The following TMEM132D variants were observed in gnomAD, a reference collection of about 807,000 sequenced individuals.
TMEM132D encodes the protein transmembrane protein 132D, also known as mature OL transmembrane protein.
In TMEM132D, 21 loss-of-function variants were observed where a neutral mutation model predicts 62.3. The observed-to-expected ratio is 0.34, with a 90% CI of 0.24 to 0.49. TMEM132D has a LOEUF of 0.49. TMEM132D is among the 20% of genes least tolerant of loss of function. The probability of loss-of-function intolerance (pLI) is 0.99; values close to 1 mark genes in which losing one functional copy is unlikely to be tolerated. For missense variants in TMEM132D, 1,346 were observed against 1,402.8 expected, an observed-to-expected ratio of 0.96 and a Z score of 0.65; for synonymous variants, 621 against 575.6, an observed-to-expected ratio of 1.08 and a Z score of -1.13.
intron 3 of TMEM132D, among the ~76,000 whole-genome samples, chr12:129,496,118 AC>A (rs1874948092): frequency 6.6e-6 from 1 of 152,222 alleles, no homozygotes; most frequent in Non-Finnish European, 1.5e-5. Flanking sequence ...ATAGTGGAGT[AC>A]CGGATGTAAC....
intron 5 of TMEM132D, among the ~76,000 whole-genome samples, chr12:129,191,603 A>G (rs1189765554): frequency 1.3e-5 from 2 of 151,714 alleles, no homozygotes; most frequent in East Asian, 3.9e-4. Context: ...TACATATATG[A>G]TACTAATTAT....
intron 5 of TMEM132D, among the ~76,000 whole-genome samples, chr12:129,208,028 T>C (rs911611903): frequency 1.3e-5 from 2 of 152,218 alleles, no homozygotes; most frequent in African/African-American, 4.8e-5. Context: ...TGCACATCTG[T>C]GTCCACTCAT....
intron 3 of TMEM132D, among the ~76,000 whole-genome samples, chr12:129,420,482 G>C (rs1287138400): frequency 6.6e-6 from 1 of 151,936 alleles, no homozygotes; most frequent in African/African-American, 2.4e-5. Flanking sequence ...ATCATCGAAG[G>C]CTGTCAAATA....
At chr12:129,396,325 C>T (rs1212957708) in intron 3 of TMEM132D, among the ~76,000 whole-genome samples, 1 of 152,092 alleles carries the variant, frequency 6.6e-6, no homozygotes, top group Non-Finnish European at 1.5e-5. Context: ...ATTTCCCATC[C>T]TCTCTTTTAC....
chr12:129,081,718 CAGAG>C lies in TMEM132D; in HGVS notation c.1923+37_1923+40del, dbSNP rs113947597. 1.1e-3 allele frequency: 1,758 copies of C among 1,538,628 alleles called. 11 individuals are homozygous for C. In the African/African-American group the frequency reaches 0.019, roughly 16 times the overall value. ...TCTAGGTAGAGCAGAGGTGGGAAGA[CAGAG>C]AGATCTTGATTTGGGGATTTTTTTT... On this transcript the variant is annotated intron_variant, in intron 7 of 8. Transcript: ENST00000422113.
At chr12:129,201,419 C>G (rs1263853607) in intron 5 of TMEM132D, among the ~76,000 whole-genome samples, 1 of 152,132 alleles carries the variant, frequency 6.6e-6, no homozygotes, top group Non-Finnish European at 1.5e-5. Flanking sequence ...TGCAGAGAGT[C>G]CACTGCCCTT....
In TMEM132D at chr12:129,072,323, G is replaced by C. The variant is rs1489481857; in HGVS notation, c.*1552C>G. 6.6e-6 allele frequency: 1 copy of C among 152,574 alleles called. No individual in the cohort carries two copies. The highest frequency in any genetic ancestry group is 1.5e-5 in the Non-Finnish European group (1 of 68,170). The allele number at this position is 152,574 out of a possible 1,614,324, so 9.5% of individuals were successfully genotyped here. A position where few individuals can be genotyped will look rare whatever the true frequency, so the allele number is the denominator to read the frequency against. ...CGGCCTCTTCTGCCCACCACCCGCT[G>C]CCCCCGACCATCTTTTGCAGGATCC... On this transcript the variant is annotated 3_prime_UTR_variant, in exon 9 of 9. Transcript: ENST00000422113.
At chr12:129,713,317 G>C (rs561043434) in intron 1 of TMEM132D, among the ~76,000 whole-genome samples, 185 of 152,138 alleles carry the variant, frequency 1.2e-3, no homozygotes, top group Non-Finnish European at 2.4e-3. Context: ...ATACCTGACT[G>C]CACAAATATA....
At chr12:129,596,959 T>G (rs1272346029) in intron 2 of TMEM132D, among the ~76,000 whole-genome samples, 2 of 152,184 alleles carry the variant, frequency 1.3e-5, no homozygotes, top group Non-Finnish European at 2.9e-5. Flanking sequence ...AAGAGAACAC[T>G]TCAACCAATG....
chr12:129,384,515 C>CTT (rs111767484), intron 3 of TMEM132D, among the ~76,000 whole-genome samples: 40 of 145,774 alleles, frequency 2.7e-4, no homozygotes, highest in Non-Finnish European at 9.1e-5. Flanking sequence ...CTGCTCTGTG[C>CTT]TTTTTTTTTT....
intron 4 of TMEM132D, among the ~76,000 whole-genome samples, chr12:129,238,633 C>T (rs924138989): frequency 6.6e-6 from 1 of 152,212 alleles, no homozygotes; most frequent in African/African-American, 2.4e-5. Context: ...TCAAGCTTCA[C>T]TTATATTGTA....
intron 1 of TMEM132D, among the ~76,000 whole-genome samples, chr12:129,844,574 T>C (rs1324501053): frequency 6.6e-6 from 1 of 152,242 alleles, no homozygotes; most frequent in East Asian, 1.9e-4. Context: ...AATCTTGCAG[T>C]GCTGGACTTT....
At chr12:129,603,030 G>C (rs980030577) in intron 2 of TMEM132D, among the ~76,000 whole-genome samples, 1 of 152,064 alleles carries the variant, frequency 6.6e-6, no homozygotes, top group South Asian at 2.1e-4. Flanking sequence ...CTTCCACCAG[G>C]TCCCTCCCTC....
At chr12:129,359,949 G>GA (rs1426801705) in intron 3 of TMEM132D, among the ~76,000 whole-genome samples, 1 of 150,542 alleles carries the variant, frequency 6.6e-6, no homozygotes, top group African/African-American at 2.4e-5. Context: ...ATTTAAACAG[G>GA]AAAAAATAGG....
At chr12:129,866,371 C>T (rs1054024661) in intron 1 of TMEM132D, among the ~76,000 whole-genome samples, 1 of 147,400 alleles carries the variant, frequency 6.8e-6, no homozygotes, top group Non-Finnish European at 1.5e-5. Context: ...CATGTTCTCA[C>T]TCATAGGTGG....
At chr12:129,515,792 A>G (rs1409770354) in intron 3 of TMEM132D, among the ~76,000 whole-genome samples, 32 of 152,154 alleles carry the variant, frequency 2.1e-4, no homozygotes, top group South Asian at 2.1e-4. Context: ...TCACCTTTCT[A>G]TGTAACTGTC....
At chr12:129,537,320 T>C (rs1185900954) in intron 2 of TMEM132D, among the ~76,000 whole-genome samples, 1 of 152,042 alleles carries the variant, frequency 6.6e-6, no homozygotes, top group African/African-American at 2.4e-5. Flanking sequence ...AGTTGCCAAG[T>C]CCTGATTTTA....
chr12:129,197,855 A>C (rs1408588282), intron 5 of TMEM132D, among the ~76,000 whole-genome samples: 1 of 152,238 alleles, frequency 6.6e-6, no homozygotes, highest in Non-Finnish European at 1.5e-5. Context: ...GATATAACCC[A>C]TGGAATGGGA....
chr12:129,822,802 C>G (rs1244272428), intron 1 of TMEM132D, among the ~76,000 whole-genome samples: 2 of 152,036 alleles, frequency 1.3e-5, no homozygotes, highest in Non-Finnish European at 2.9e-5. Flanking sequence ...GAAAATCACC[C>G]CCATGATTCA....
Sources: gnomAD v4.1 joint callset for allele counts (sites outside exome capture counted in the v4.1 genomes callset) on GRCh38, gnomAD v4.1.1 for gene constraint, MANE v1.5 for transcripts, NCBI Gene and HGNC (gene_info 2026-07-23, HGNC 2026-07-21) for gene names.